Variants in COL6A5 observed in about 807,000 individuals in gnomAD.
COL6A5 encodes collagen type VI alpha 5 chain, also known as collagen alpha-5(VI) chain.
COL6A5 carries 48 observed loss-of-function variants against 65.6 expected under a neutral mutation model. The ratio of observed to expected loss-of-function variants is 0.73; its 90% CI spans 0.58 to 0.93. COL6A5 has a LOEUF of 0.93. Ranked by LOEUF, COL6A5 falls within the 40% of genes least tolerant of loss-of-function variation. The pLI is 0.00. For missense variants in COL6A5, 914 were observed against 928.3 expected, an observed-to-expected ratio of 0.98 and a Z score of 0.20; for synonymous variants, 291 against 322.8, an observed-to-expected ratio of 0.90 and a Z score of 1.05.
chr3:130,440,778 T>G (rs1397886536), exon 3 of COL6A5: 2 of 1,612,986 alleles, frequency 1.2e-6, no homozygotes, highest in Non-Finnish European at 1.7e-6. Context: ...AAACCAGATC[T>G]GAATTATATT....
At chr3:130,451,571 T>A (rs115627302) in intron 4 of COL6A5, among the ~76,000 whole-genome samples, 21 of 152,202 alleles carry the variant, frequency 1.4e-4, no homozygotes, top group African/African-American at 4.8e-4. Context: ...CCAGAGCCAC[T>A]AGGTGATTCC....
chr3:130,391,604 A>G (rs1158354509), exon 7 of COL6A5: 1 of 1,551,672 alleles, frequency 6.4e-7, no homozygotes, highest in South Asian at 1.2e-5. Context: ...AGGCATCACC[A>G]TCTTTGCAGT....
intron 29 of COL6A5, among the ~76,000 whole-genome samples, chr3:130,425,089 G>A (rs1188512595): frequency 6.6e-6 from 1 of 152,054 alleles, no homozygotes; most frequent in African/African-American, 2.4e-5. Flanking sequence ...CTGTTTAAAT[G>A]GTCATGCATT....
intron 1 of COL6A5, among the ~76,000 whole-genome samples, chr3:130,360,455 G>A (rs925921730): frequency 2.6e-5 from 4 of 152,048 alleles, no homozygotes; most frequent in African/African-American, 7.2e-5. Flanking sequence ...GGCAGCATTC[G>A]ACTAATGTAG....
chr3:130,348,949 T>A (rs1014618815), intron 1 of COL6A5, among the ~76,000 whole-genome samples: 1 of 152,194 alleles, frequency 6.6e-6, no homozygotes, highest in African/African-American at 2.4e-5. Context: ...CTTCACCCAC[T>A]TTTTGATGGG....
Position 130,354,796 on chromosome 3 carries a change from T to C in COL6A5, c.-29+8815T>C, listed in dbSNP as rs545272506. On this transcript the variant is annotated intron_variant and NMD_transcript_variant, in intron 1 of 41. Transcript: ENST00000312481. Reference sequence around the variant, plus strand: ...GCTAAGGACCTGAATAATATTGTAATTTCCTGCGTGTTCCATGATTTATAG... The same window carrying C: ...GCTAAGGACCTGAATAATATTGTAACTTCCTGCGTGTTCCATGATTTATAG... 5.3e-5 allele frequency among the ~76,000 whole-genome samples: 8 copies of C among 152,272 alleles called. No homozygotes were observed. The South Asian group carries it at 1.0e-3, about 20-fold the overall frequency.
At chr3:130,383,237 A>G (rs1013257112) in intron 4 of COL6A5, among the ~76,000 whole-genome samples, 1 of 152,036 alleles carries the variant, frequency 6.6e-6, no homozygotes, top group African/African-American at 2.4e-5. Context: ...GCTGTTAAGC[A>G]CTTGAAATGT....
chr3:130,393,302 C>T (rs77441518), intron 7 of COL6A5, among the ~76,000 whole-genome samples: 425 of 152,208 alleles, frequency 2.8e-3, no homozygotes, highest in Non-Finnish European at 4.1e-3. Context: ...TGCCTGCCTA[C>T]GTCTCACTTT....
chr3:130,364,797 A>G (rs1935270934), intron 1 of COL6A5, among the ~76,000 whole-genome samples: 2 of 152,230 alleles, frequency 1.3e-5, no homozygotes, highest in South Asian at 4.1e-4. Context: ...AGAGGCCCTA[A>G]TATTGGATAT....
intron 2 of COL6A5, among the ~76,000 whole-genome samples, chr3:130,374,765 A>G (rs1935703734): frequency 6.6e-6 from 1 of 152,028 alleles, no homozygotes. Context: ...CTTAATTTTA[A>G]CTGTATGAGG....
exon 13 of COL6A5, chr3:130,403,610 G>T (rs757223843): frequency 4.5e-6 from 7 of 1,550,990 alleles, no homozygotes; most frequent in Non-Finnish European, 5.2e-6. Flanking sequence ...TCTTCCCAGG[G>T]TTCTCAAGGT....
chr3:130,455,287 A>G (rs1233907297), intron 4 of COL6A5, among the ~76,000 whole-genome samples, 168 bp from the exon 37 acceptor site: 1 of 152,172 alleles, frequency 6.6e-6, no homozygotes, highest in Non-Finnish European at 1.5e-5. Context: ...TTTAAAAAAT[A>G]ATATGTATAA....
intron 6 of COL6A5, among the ~76,000 whole-genome samples, chr3:130,389,792 A>G (rs529203685): frequency 6.4e-4 from 97 of 152,224 alleles, no homozygotes; most frequent in African/African-American, 1.6e-3. Flanking sequence ...GAGCCTATCA[A>G]TTTTAATGTC....
chr3:130,442,505 T>C (rs138640207), intron 3 of COL6A5, among the ~76,000 whole-genome samples: 151 of 152,344 alleles, frequency 9.9e-4, no homozygotes, highest in Non-Finnish European at 1.5e-3. Flanking sequence ...AGAAGTAGCC[T>C]ACTGTTGACT....
In COL6A5 at chr3:130,457,874, G is replaced by A. The variant is rs552742529; in HGVS notation, c.1544+2208G>A. Reference sequence around the variant, plus strand: ...TCAGAATGAGCTTTGATAAGTTCCAGATGTATGGCATAAATAAAAGGTTGA... The same window carrying A: ...TCAGAATGAGCTTTGATAAGTTCCAAATGTATGGCATAAATAAAAGGTTGA... On this transcript the variant is annotated intron_variant, in intron 5 of 7. Coordinates refer to ENST00000512836, the Ensembl canonical transcript of COL6A5. Among the ~76,000 whole-genome samples the A allele has an allele frequency of 1.1e-3, 173 of 152,200 alleles. 1 individual carries two copies. The highest frequency in any genetic ancestry group is 3.9e-3 in the African/African-American group (161 of 41,554).
intron 29 of COL6A5, among the ~76,000 whole-genome samples, chr3:130,425,540 A>G (rs1937586528): frequency 6.6e-6 from 1 of 152,184 alleles, no homozygotes; most frequent in South Asian, 2.1e-4. Flanking sequence ...AAGAAGGAGC[A>G]AAGAGAAAAG....
intron 5 of COL6A5, 82 bp from the exon 38 acceptor site, chr3:130,468,713 T>G: frequency 2.3e-6 from 2 of 886,398 alleles, no homozygotes; most frequent in Non-Finnish European, 3.5e-6. Context: ...AATAACCTCA[T>G]GCTGTGTATT....
At chr3:130,348,067 C>T (rs1934566127) in intron 1 of COL6A5, among the ~76,000 whole-genome samples, 1 of 152,180 alleles carries the variant, frequency 6.6e-6, no homozygotes, top group East Asian at 1.9e-4. Flanking sequence ...ACTCACTACC[C>T]ACAACCATTG....
intron 5 of COL6A5, among the ~76,000 whole-genome samples, chr3:130,457,910 A>G (rs965408310): frequency 6.6e-6 from 1 of 152,120 alleles, no homozygotes; most frequent in Non-Finnish European, 1.5e-5. Context: ...TAAGTTTCAT[A>G]AGCACCTCCA....
Sources: allele counts gnomAD v4.1 joint callset (sites outside exome capture counted in the v4.1 genomes callset), GRCh38; gene constraint gnomAD v4.1.1; transcripts MANE v1.5; gene names NCBI Gene and HGNC (gene_info 2026-07-23, HGNC 2026-07-21).